KCNIP4: variants seen among roughly 807,000 people sequenced by gnomAD.
The protein encoded by KCNIP4 is potassium voltage-gated channel interacting protein 4, also known as Kv channel-interacting protein 4.
A neutral mutation model predicts 34.0 loss-of-function variants in KCNIP4; 12 were observed. The observed-to-expected ratio is 0.35, with a 90% CI of 0.23 to 0.57. KCNIP4 has a LOEUF of 0.57. Among genes scored for constraint, KCNIP4 ranks in the 20% least tolerant of loss-of-function variants. The pLI is 0.83. For synonymous variants in KCNIP4, 124 were observed against 102.2 expected (o/e 1.21, Z -1.29); for missense variants, 238 against 311.7 (o/e 0.76, Z 1.78).
intron 1 of KCNIP4, among the ~76,000 whole-genome samples, chr4:21,431,778 A>C (rs1480307279): frequency 6.6e-6 from 1 of 151,734 alleles, no homozygotes; most frequent in East Asian, 1.9e-4. Context: ...TAAAGACTGA[A>C]CTACCACTGC....
chr4:21,347,092 G>T (rs1717513345), intron 1 of KCNIP4, among the ~76,000 whole-genome samples: 1 of 152,170 alleles, frequency 6.6e-6, no homozygotes. Context: ...CTGCGCAAGT[G>T]AACTAGACTG....
chr4:20,843,364 G>C (rs571872467), intron 3 of KCNIP4, among the ~76,000 whole-genome samples: 1 of 152,250 alleles, frequency 6.6e-6, no homozygotes, highest in African/African-American at 2.4e-5. Context: ...CTGTACCTAG[G>C]ACACTTCGAT....
intron 1 of KCNIP4, among the ~76,000 whole-genome samples, chr4:21,781,676 A>C (rs1577980343): frequency 6.6e-6 from 1 of 152,204 alleles, no homozygotes; most frequent in East Asian, 1.9e-4. Flanking sequence ...AATTATAAAT[A>C]AAATAGACTT....
At position 21,072,713 on chromosome 4, in the gene KCNIP4, C is replaced by T. The variant is rs558518230; in HGVS notation, c.62-190004G>A. On this transcript the variant is annotated intron_variant, in intron 1 of 8. Coordinates refer to ENST00000382152, the MANE Select transcript of KCNIP4 (RefSeq NM_025221.6). ...GCTTTTCGTGTTTTAAACATGAAGTCCTTGCCCATGCCTATGTCCTGAATG... is the reference window on the plus strand; with the variant it reads ...GCTTTTCGTGTTTTAAACATGAAGTTCTTGCCCATGCCTATGTCCTGAATG... 2.6e-3 allele frequency among the ~76,000 whole-genome samples: 390 copies of T among 152,168 alleles called. 1 individual carries two copies. Among genetic ancestry groups the T allele is most frequent in the African/African-American group, 9.1e-3 (378 of 41,476 alleles).
rs143110247 is a variant in KCNIP4, at chr4:20,853,605, CCAAAAG to C, written c.164-2944_164-2939del. Among the ~76,000 whole-genome samples, 20 of 151,230 alleles carry C rather than the reference CCAAAAG, an allele frequency of 1.3e-4. No individual in the cohort carries two copies. The South Asian group carries it at 2.9e-3, about 22-fold the overall frequency. ...AGGCAAGGATCTCATGACCAAGAAC[CCAAAAG>C]CAAAAGCAAAAGCAATAAAAACAAA... On this transcript the variant is annotated intron_variant, in intron 2 of 8. Transcript: ENST00000382152.
intron 1 of KCNIP4, among the ~76,000 whole-genome samples, chr4:21,516,004 T>A (rs1420010210): frequency 6.6e-6 from 1 of 152,230 alleles, no homozygotes; most frequent in Admixed American, 6.5e-5. Flanking sequence ...CGTGTTATCA[T>A]CTTCTTGCAG....
chr4:21,602,577 G>A (rs1827595), intron 1 of KCNIP4, among the ~76,000 whole-genome samples: 104,414 of 152,030 alleles, frequency 0.69, 36,328 homozygotes, highest in East Asian at 0.89. Flanking sequence ...CACACATAAG[G>A]TATGAATAAT....
chr4:21,325,999 C>T lies in KCNIP4; in HGVS notation c.62-443290G>A, dbSNP rs147236976. ...TTCAATTGTTTTGAATTTTTACAGA[C>T]GTGTTTGTGGCCTAACATATTGTCT... On this transcript the variant is annotated intron_variant, in intron 1 of 8. Transcript: ENST00000382152. 1.1e-3 allele frequency among the ~76,000 whole-genome samples: 162 copies of T among 151,858 alleles called. 1 individual carries two copies. The highest frequency in any genetic ancestry group is 6.4e-3 in the East Asian group (33 of 5,190).
At chr4:21,801,298 C>G (rs930600686) in intron 1 of KCNIP4, among the ~76,000 whole-genome samples, 1 of 152,134 alleles carries the variant, frequency 6.6e-6, no homozygotes, top group East Asian at 1.9e-4. Context: ...GATAAATGTG[C>G]TGCAGTAGAC....
intron 1 of KCNIP4, among the ~76,000 whole-genome samples, chr4:21,085,664 A>G (rs1445484949): frequency 6.6e-6 from 1 of 152,208 alleles, no homozygotes; most frequent in Non-Finnish European, 1.5e-5. Flanking sequence ...AGATCCTGAG[A>G]CAAGGAATTT....
intron 1 of KCNIP4, among the ~76,000 whole-genome samples, chr4:21,532,750 C>T (rs2108981156): frequency 6.6e-6 from 1 of 152,180 alleles, no homozygotes; most frequent in South Asian, 2.1e-4. Context: ...TTCCCAGTGG[C>T]TGATGGGCAG....
At chr4:21,226,078 C>T (rs534270132) in intron 1 of KCNIP4, among the ~76,000 whole-genome samples, 1 of 151,758 alleles carries the variant, frequency 6.6e-6, no homozygotes, top group African/African-American at 2.4e-5. Flanking sequence ...AAGGCAGATA[C>T]TGTGATTGCC....
intron 1 of KCNIP4, among the ~76,000 whole-genome samples, chr4:21,761,327 G>C (rs1159014225): frequency 6.6e-6 from 1 of 152,012 alleles, no homozygotes; most frequent in Non-Finnish European, 1.5e-5. Flanking sequence ...GTCCTTCTTT[G>C]TGTACTTTTT....
chr4:21,234,367 T>C (rs569329231), intron 1 of KCNIP4, among the ~76,000 whole-genome samples: 5 of 108,804 alleles, frequency 4.6e-5, no homozygotes, highest in South Asian at 5.9e-4. Context: ...ACATATATAA[T>C]ATATAACATA....
chr4:21,504,475 A>AAAAAAAAAAAAGAAAC (rs1264431211), intron 1 of KCNIP4, among the ~76,000 whole-genome samples: 1 of 101,852 alleles, frequency 9.8e-6, no homozygotes, highest in African/African-American at 3.9e-5. Flanking sequence ...CAAAAAAAAA[A>AAAAAAAAAAAAGAAAC]AAAGAAAGAA....
intron 1 of KCNIP4, among the ~76,000 whole-genome samples, chr4:20,950,884 T>C (rs1284535343): frequency 6.6e-6 from 1 of 152,130 alleles, no homozygotes; most frequent in African/African-American, 2.4e-5. Context: ...TCTTCCCCCA[T>C]TCTCCATTTT....
At chr4:21,495,269 T>C (rs568139619) in intron 1 of KCNIP4, among the ~76,000 whole-genome samples, 3 of 152,146 alleles carry the variant, frequency 2.0e-5, no homozygotes, top group Non-Finnish European at 4.4e-5. Flanking sequence ...CTGGTATTCT[T>C]GCTTGTTTGA....
At chr4:21,893,157 A>AG (rs1057308713) in intron 1 of KCNIP4, among the ~76,000 whole-genome samples, 33 of 152,270 alleles carry the variant, frequency 2.2e-4, no homozygotes, top group African/African-American at 7.9e-4. Flanking sequence ...GGCACCCAGA[A>AG]GCAAAAATTG....
At chr4:20,952,286 T>C (rs1732864027) in intron 1 of KCNIP4, among the ~76,000 whole-genome samples, 1 of 152,176 alleles carries the variant, frequency 6.6e-6, no homozygotes, top group African/African-American at 2.4e-5. Flanking sequence ...AAACAGATTA[T>C]ATCTAGGCAC....
Sources: allele counts gnomAD v4.1 joint callset (sites outside exome capture counted in the v4.1 genomes callset), GRCh38; gene constraint gnomAD v4.1.1; transcripts MANE v1.5; gene names NCBI Gene and HGNC (gene_info 2026-07-23, HGNC 2026-07-21).